MINDY3: variants seen among roughly 807,000 people sequenced by gnomAD.
MINDY3 encodes the protein MINDY lysine 48 deubiquitinase 3.
MINDY3 carries 38 observed loss-of-function variants against 69.2 expected under a neutral mutation model. The ratio of observed to expected loss-of-function variants is 0.55; its 90% CI spans 0.42 to 0.72. The LOEUF is 0.72. Ranked by LOEUF, MINDY3 falls within the 30% of genes least tolerant of loss-of-function variation. The pLI, the probability that MINDY3 is intolerant of heterozygous loss-of-function variation, is 0.00. For synonymous variants in MINDY3, 192 were observed against 180.1 expected, an observed-to-expected ratio of 1.07 and a Z score of -0.53; for missense variants, 522 against 519.0, an observed-to-expected ratio of 1.01 and a Z score of -0.06.
At chr10:15,791,459 A>G (rs1397433658) in intron 11 of MINDY3, among the ~76,000 whole-genome samples, 1 of 152,012 alleles carries the variant, frequency 6.6e-6, no homozygotes, top group Non-Finnish European at 1.5e-5. Context: ...TCTATGAAGA[A>G]CTAAAAGAAA....
chr10:15,784,923 T>C (rs1792651648), intron 13 of MINDY3, among the ~76,000 whole-genome samples: 1 of 152,056 alleles, frequency 6.6e-6, no homozygotes, highest in African/African-American at 2.4e-5. Flanking sequence ...TGAGCTGCTA[T>C]AGGATGGGAA....
intron 11 of MINDY3, among the ~76,000 whole-genome samples, chr10:15,791,495 AATTAACTACATAG>A (rs1261989966): frequency 6.6e-6 from 1 of 151,930 alleles, no homozygotes; most frequent in Non-Finnish European, 1.5e-5. Context: ...TACACTGGTA[AATTAACTACATAG>A]ATATCAACAC....
intron 8 of MINDY3, among the ~76,000 whole-genome samples, chr10:15,833,089 T>C (rs868680374): frequency 9.9e-5 from 15 of 152,152 alleles, no homozygotes; most frequent in African/African-American, 3.6e-4. Flanking sequence ...TTGGCCAAAA[T>C]GGGATCCATT....
rs1295489405 is a variant in MINDY3 at position 15,782,191 on chromosome 10, G to A, written c.1152C>T (p.His384=). The change falls in exon 14 of 15, where the codon CAC becomes CAT. Residue 384 remains histidine, a synonymous_variant. Transcript: ENST00000277632. ...AATTTGACTGCTTCAATCCATTGTAGTGGTAGACAGTAAAAGATTCTGGAC... is the reference window on the plus strand; with the variant it reads ...AATTTGACTGCTTCAATCCATTGTAATGGTAGACAGTAAAAGATTCTGGAC... ...SSGPESFTVY[H]YNGLKQSNYN... 6.2e-7 allele frequency: 1 copy of A among 1,610,318 alleles called. No homozygotes were observed. The highest frequency in any genetic ancestry group is 1.3e-5 in the African/African-American group (1 of 74,754).
intron 13 of MINDY3, 118 bp downstream of exon 13, chr10:15,786,443 T>C: frequency 2.9e-6 from 2 of 689,002 alleles, no homozygotes; most frequent in South Asian, 3.5e-5. Flanking sequence ...TGTAACGGTG[T>C]TTTCTCAGTC....
rs913505175 is a variant in MINDY3, at chr10:15,841,282, AT to A, written c.409+143del. ...AAAATAAATGATATGGAAATAAAAA[AT>A]AGTGAGGCTCAGTAATTAAGCTTAA... On this transcript the variant is annotated intron_variant, in intron 4 of 14. Coordinates refer to ENST00000277632, the MANE Select transcript of MINDY3 (RefSeq NM_024948.4). The A allele has an allele frequency of 9.3e-6, 6 of 643,614 alleles. No homozygotes were observed. The African/African-American group carries it at 1.1e-4, about 12-fold the overall frequency. 39.9% of individuals were successfully genotyped at this position (643,614 alleles called of 1,614,324 possible). A position where few individuals can be genotyped will look rare whatever the true frequency, so the allele number is the denominator to read the frequency against.
chr10:15,829,070 C>T (rs769276232), intron 8 of MINDY3, among the ~76,000 whole-genome samples: 4 of 152,118 alleles, frequency 2.6e-5, no homozygotes, highest in Non-Finnish European at 4.4e-5. Context: ...CTAGGCACCT[C>T]GTTTACAGAA....
intron 9 of MINDY3, 130 bp from the exon 10 acceptor site, chr10:15,817,045 G>A: frequency 1.5e-6 from 1 of 683,794 alleles, no homozygotes; most frequent in Non-Finnish European, 2.5e-6. Flanking sequence ...TTGTGCCCGA[G>A]CACTTCACCC....
chr10:15,782,074 C>A (rs188522968), intron 14 of MINDY3, 81 bp downstream of exon 14: 3 of 987,282 alleles, frequency 3.0e-6, no homozygotes, highest in East Asian at 2.5e-5. Flanking sequence ...AGCAATTGTA[C>A]GGGAATCGAA....
intron 2 of MINDY3, among the ~76,000 whole-genome samples, chr10:15,847,239 C>A (rs1339863607): frequency 6.6e-6 from 1 of 152,116 alleles, no homozygotes; most frequent in Non-Finnish European, 1.5e-5. Context: ...CAGTTTATAG[C>A]GAATCAGCCT....
chr10:15,779,401 A>T (rs1397533670), intron 14 of MINDY3, among the ~76,000 whole-genome samples: 1 of 152,192 alleles, frequency 6.6e-6, no homozygotes, highest in Non-Finnish European at 1.5e-5. Context: ...CCTAAAACAC[A>T]TAGATTGTTT....
intron 13 of MINDY3, among the ~76,000 whole-genome samples, chr10:15,784,020 A>T (rs1433505472): frequency 6.6e-6 from 1 of 152,348 alleles, no homozygotes; most frequent in South Asian, 2.1e-4. Flanking sequence ...TACCTAGTGT[A>T]TGACCTTAAA....
At chr10:15,849,552 T>C (rs1018295018) in intron 1 of MINDY3, among the ~76,000 whole-genome samples, 2 of 151,786 alleles carry the variant, frequency 1.3e-5, no homozygotes, top group African/African-American at 4.8e-5. Context: ...AACATTACCG[T>C]GGAGAAGAGA....
intron 11 of MINDY3, among the ~76,000 whole-genome samples, chr10:15,792,753 G>A (rs1837515265): frequency 6.6e-6 from 1 of 151,994 alleles, no homozygotes; most frequent in South Asian, 2.1e-4. Context: ...ACATATAATT[G>A]TACAAGGGGG....
At chr10:15,830,041 A>G (rs548436867) in intron 8 of MINDY3, among the ~76,000 whole-genome samples, 1 of 152,298 alleles carries the variant, frequency 6.6e-6, no homozygotes, top group East Asian at 1.9e-4. Context: ...AGACTCAGCA[A>G]CTCATTAGAT....
intron 10 of MINDY3, among the ~76,000 whole-genome samples, chr10:15,802,581 C>A (rs1838342226): frequency 6.6e-6 from 1 of 152,032 alleles, no homozygotes; most frequent in South Asian, 2.1e-4. Flanking sequence ...AGGGACAAAG[C>A]CAAATCATAT....
chr10:15,858,165 T>C (rs1284869865), intron 1 of MINDY3, among the ~76,000 whole-genome samples: 1 of 152,164 alleles, frequency 6.6e-6, no homozygotes, highest in Non-Finnish European at 1.5e-5. Flanking sequence ...TTCAAAAATA[T>C]ATGTTTGGTT....
intron 1 of MINDY3, among the ~76,000 whole-genome samples, chr10:15,850,511 C>T (rs978780585): frequency 2.0e-5 from 3 of 151,992 alleles, no homozygotes; most frequent in East Asian, 1.9e-4. Flanking sequence ...CTAAAATGGC[C>T]GCTCGGGGAG....
intron 4 of MINDY3, among the ~76,000 whole-genome samples, chr10:15,841,051 T>C (rs970414895): frequency 6.6e-6 from 1 of 151,462 alleles, no homozygotes; most frequent in African/African-American, 2.4e-5. Flanking sequence ...GATAACTTTA[T>C]GAAATCTTCT....
Sources: gnomAD v4.1 joint callset for allele counts (sites outside exome capture counted in the v4.1 genomes callset) on GRCh38, gnomAD v4.1.1 for gene constraint, MANE v1.5 for transcripts, NCBI Gene and HGNC (gene_info 2026-07-23, HGNC 2026-07-21) for gene names.